The following PUDP variants were observed in gnomAD, a reference collection of about 807,000 sequenced individuals.
The protein encoded by PUDP is pseudouridine-5'-phosphatase.
In PUDP, 8 loss-of-function variants were observed where a neutral mutation model predicts 9.4. That is an observed-to-expected ratio of 0.85 (90% CI 0.50 to 1.53). The LOEUF (loss-of-function observed/expected upper bound fraction) is 1.53. Ranked by LOEUF, PUDP falls within the 40% of genes most tolerant of loss-of-function variation. PUDP has a pLI of 0.00. For synonymous variants in PUDP, 99 were observed against 80.7 expected, an observed-to-expected ratio of 1.23 and a Z score of -1.22; for missense variants, 188 against 189.7, an observed-to-expected ratio of 0.99 and a Z score of 0.05.
At chrX:6,988,558 T>A (rs1049953992) in intron 1 of PUDP, among the ~76,000 whole-genome samples, 1 of 112,069 alleles carries the variant, frequency 8.9e-6, no homozygotes, top group Admixed American at 9.5e-5. Flanking sequence ...TTCTAATCCA[T>A]AACTAAGGTC....
chrX:6,904,153 T>C (rs1342635237), intron 3 of PUDP, among the ~76,000 whole-genome samples: 1 of 109,713 alleles, frequency 9.1e-6, no homozygotes, highest in East Asian at 2.9e-4. Flanking sequence ...GGTTTTGCCA[T>C]GTTGACCAGG....
chrX:7,093,607 T>C (rs185424794), intron 2 of PUDP, among the ~76,000 whole-genome samples: 1 of 111,741 alleles, frequency 8.9e-6, no homozygotes, highest in Non-Finnish European at 1.9e-5. Context: ...CCTCAAAGCC[T>C]GTCTGTGCAG....
intron 3 of PUDP, among the ~76,000 whole-genome samples, chrX:6,847,763 C>G (rs939648531): frequency 2.7e-5 from 3 of 111,910 alleles, no homozygotes; most frequent in Non-Finnish European, 5.6e-5. Context: ...TCACATATCT[C>G]TGTGAATCAG....
At chrX:7,137,115 C>A (rs1932756604) in intron 1 of PUDP, among the ~76,000 whole-genome samples, 1 of 109,978 alleles carries the variant, frequency 9.1e-6, no homozygotes, top group Admixed American at 9.7e-5. Context: ...GTGGCAGGCA[C>A]CTGTAATCCC....
intron 1 of PUDP, among the ~76,000 whole-genome samples, chrX:7,003,724 G>A (rs1929361539): frequency 8.9e-6 from 1 of 111,795 alleles, no homozygotes; most frequent in Admixed American, 9.5e-5. Context: ...TTTTTTGAAA[G>A]GGGGACAGCG....
intron 1 of PUDP, among the ~76,000 whole-genome samples, chrX:6,991,378 TA>T (rs1235301896): frequency 9.0e-6 from 1 of 111,257 alleles, no homozygotes; most frequent in African/African-American, 3.3e-5. Context: ...TTGATGTCTT[TA>T]AAAAAATTTT....
chrX:7,021,232 C>A (rs1484562516), intron 1 of PUDP, among the ~76,000 whole-genome samples: 5 of 112,000 alleles, frequency 4.5e-5, no homozygotes, highest in Admixed American at 9.5e-5. Context: ...ATTGAAATGG[C>A]AAGTGAATGG....
chrX:6,856,908 G>A (rs1926915210), intron 3 of PUDP, among the ~76,000 whole-genome samples: 1 of 112,250 alleles, frequency 8.9e-6, no homozygotes, highest in Non-Finnish European at 1.9e-5. Flanking sequence ...GAAGACAGAT[G>A]TTTTAGCATC....
At chrX:6,854,717 A>C (rs1221941745) in intron 3 of PUDP, among the ~76,000 whole-genome samples, 1 of 110,993 alleles carries the variant, frequency 9.0e-6, no homozygotes, top group Non-Finnish European at 1.9e-5. Flanking sequence ...TATATTTACT[A>C]TTCATTTGAT....
At chrX:7,090,127 T>A (rs1398899831) in intron 2 of PUDP, among the ~76,000 whole-genome samples, 1 of 111,496 alleles carries the variant, frequency 9.0e-6, no homozygotes, top group Non-Finnish European at 1.9e-5. Flanking sequence ...TAACTAAATA[T>A]TCTCTACAAG....
intron 1 of PUDP, among the ~76,000 whole-genome samples, chrX:7,012,212 C>A (rs758441287): frequency 8.9e-6 from 1 of 111,925 alleles, no homozygotes; most frequent in East Asian, 2.8e-4. Flanking sequence ...ATAATAGATA[C>A]CCCTGAGCCA....
intron 2 of PUDP, among the ~76,000 whole-genome samples, chrX:7,081,380 C>G (rs763917477): frequency 2.7e-5 from 3 of 112,004 alleles, no homozygotes; most frequent in Non-Finnish European, 5.6e-5. Context: ...TCTTGAAGTT[C>G]TGCTTCAAGT....
chrX:7,091,025 C>T (rs1369840970), intron 2 of PUDP, among the ~76,000 whole-genome samples: 4 of 111,912 alleles, frequency 3.6e-5, no homozygotes, highest in African/African-American at 6.5e-5. Context: ...CAGAGTTTTA[C>T]GTTGATATGA....
At chrX:6,976,805 C>T (rs1928963167) in intron 3 of PUDP, among the ~76,000 whole-genome samples, 1 of 111,901 alleles carries the variant, frequency 8.9e-6, no homozygotes, top group Admixed American at 9.5e-5. Context: ...CTTCAACCCC[C>T]TATTACTTTC....
intron 3 of PUDP, among the ~76,000 whole-genome samples, chrX:6,893,605 T>C (rs12399291): frequency 0.25 from 27,667 of 110,638 alleles, 2,813 homozygotes; most frequent in East Asian, 0.35. Context: ...TATTTATGCA[T>C]GCTATGAAGA....
At chrX:6,890,505 GA>G (rs1927496426) in intron 3 of PUDP, among the ~76,000 whole-genome samples, 1 of 111,600 alleles carries the variant, frequency 9.0e-6, no homozygotes, top group Non-Finnish European at 1.9e-5. Context: ...GTTGAATAAG[GA>G]GACACTTTGC....
intron 1 of PUDP, among the ~76,000 whole-genome samples, chrX:7,024,743 C>T (rs1929683745): frequency 2.0e-5 from 1 of 49,402 alleles, no homozygotes; most frequent in South Asian, 9.7e-4. Context: ...CTCGCCACCT[C>T]GCCCGGCTAA....
chrX:7,082,598 A>G (rs1931133768), intron 2 of PUDP, among the ~76,000 whole-genome samples: 1 of 112,337 alleles, frequency 8.9e-6, no homozygotes, highest in Non-Finnish European at 1.9e-5. Flanking sequence ...GACATGGAAG[A>G]CAGCCCGTGC....
intron 3 of PUDP, among the ~76,000 whole-genome samples, chrX:6,952,194 C>G (rs1482859967): frequency 1.8e-5 from 2 of 111,834 alleles, no homozygotes; most frequent in African/African-American, 3.2e-5. Flanking sequence ...TTGTACAGTC[C>G]ACAGTGGATT....
Sources: allele counts gnomAD v4.1 joint callset (sites outside exome capture counted in the v4.1 genomes callset), GRCh38; gene constraint gnomAD v4.1.1; transcripts MANE v1.5; gene names NCBI Gene and HGNC (gene_info 2026-07-23, HGNC 2026-07-21).